GGT5: variants seen among roughly 807,000 people sequenced by gnomAD.
GGT5 encodes the protein gamma-glutamyltransferase 5.
Under a neutral mutation model 58.1 loss-of-function variants are expected in GGT5, and 50 were observed. That is an observed-to-expected ratio of 0.86 (90% CI 0.69 to 1.09). The LOEUF (loss-of-function observed/expected upper bound fraction) is 1.09, where lower values mean the gene tolerates loss of function less well. Ranked by LOEUF, GGT5 falls within the 50% of genes least tolerant of loss-of-function variation. GGT5 has a pLI of 0.00. For synonymous variants in GGT5, 370 were observed against 346.1 expected (o/e 1.07, Z -0.77); for missense variants, 800 against 789.4 (o/e 1.01, Z -0.16).
chr22:24,238,720 T>A, intron 1 of GGT5, among the ~76,000 whole-genome samples: 3 of 86,370 alleles, frequency 3.5e-5, no homozygotes, highest in African/African-American at 4.4e-5. Context: ...AAAAAAAAAG[T>A]GAAAGTGGAA....
rs753790324 is a variant in GGT5, at chr22:24,231,424, T to C, written c.861A>G (p.Ala287=). The C allele has an allele frequency of 2.4e-5, 37 of 1,557,032 alleles. 1 individual carries two copies. Among genetic ancestry groups the C allele is most frequent in the Non-Finnish European group, 2.6e-6 (3 of 1,150,258 alleles). Residue 287 remains alanine (A), a synonymous_variant, in exon 6 of 12, where the codon GCA becomes GCG. Coordinates refer to ENST00000327365, the MANE Select transcript of GGT5 (RefSeq NM_004121.5). Reference sequence around the variant, plus strand: ...GGATAAAGCTGAGAATGGCACCCCCTGCAGGCGGCGGTGGTGAGTACAGGG... The same window carrying C: ...GGATAAAGCTGAGAATGGCACCCCCCGCAGGCGGCGGTGGTGAGTACAGGG... ...DYTLYSPPPP[A]GGAILSFILN...
chr22:24,233,983 G>A lies in GGT5; in HGVS notation c.195C>T (p.Gly65=). ...CCGCGATGGTGGCATCCACGGGTGA[G>A]CCCTGCTGCTGGAGGATGGCTCTAG... ...DIGRAILQQQ[G]SPVDATIAAL... Residue 65 remains glycine, a synonymous_variant, in exon 2 of 12, where the codon GGC becomes GGT. Coordinates refer to ENST00000327365, the MANE Select transcript of GGT5 (RefSeq NM_004121.5). The A allele has an allele frequency of 6.2e-7, 1 of 1,612,242 alleles. No individual in the cohort carries two copies. Among genetic ancestry groups the A allele is most frequent in the South Asian group, 1.1e-5 (1 of 90,866 alleles).
chr22:24,233,564 T>A lies in GGT5; in HGVS notation c.334A>T (p.Thr112Ser). ...CTCGGGGCGTGGCTGGCCGGCACCGTCTCCCGGGCATTGATGACCTCCACC... is the reference window on the plus strand; with the variant it reads ...CTCGGGGCGTGGCTGGCCGGCACCGACTCCCGGGCATTGATGACCTCCACC... The part of the protein sequence containing the change: ...GKVEVINARE[T>S]VPASHAPSLL... Residue 112 changes from threonine to serine, a missense_variant, in exon 3 of 12, where the codon ACG (threonine) becomes TCG (serine). Thr to Ser is a moderately conservative substitution (Grantham distance 58). Transcript: ENST00000327365. 2 of 1,609,148 alleles carry A rather than the reference T, an allele frequency of 1.2e-6. No homozygotes were observed. Among genetic ancestry groups the A allele is most frequent in the Non-Finnish European group, 1.7e-6 (2 of 1,178,950 alleles).
chr22:24,232,816 G>T lies in GGT5; in HGVS notation c.596+7C>A, dbSNP rs937382251. ...CCAGGAACCCAGGGCCACCATGTGG[G>T]GCTCACCGCAGGGTTGACGCCTGCA... On this transcript the variant is annotated splice_region_variant and intron_variant, in intron 4 of 11. Coordinates refer to ENST00000327365, the MANE Select transcript of GGT5 (RefSeq NM_004121.5). 2 of 1,493,058 alleles carry T rather than the reference G, an allele frequency of 1.3e-6. No individual in the cohort carries two copies. Among genetic ancestry groups the T allele is most frequent in the African/African-American group, 1.4e-5 (1 of 71,748 alleles). 92.5% of individuals were successfully genotyped at this position (1,493,058 alleles called of 1,614,324 possible).
At position 24,226,664 on chromosome 22, in the gene GGT5, C is replaced by A. The variant is rs1342332963; in HGVS notation, c.1005G>T (p.Arg335Ser). Residue 335 changes from arginine (R) to serine (S), a missense_variant, in exon 7 of 12, where the codon AGG becomes AGT. Coordinates refer to ENST00000327365, the MANE Select transcript of GGT5 (RefSeq NM_004121.5). ...TCGGGTGGCTTCGAGGGTCCCCCAG[C>A]CTCCACCTCTGCCCCTTGGCAAACT... ...TLKFAKGQRW[R>S]LGDPRSHPKL... 6.2e-7 allele frequency: 1 copy of A among 1,614,138 alleles called. No individual in the cohort carries two copies. The highest frequency in any genetic ancestry group is 1.3e-5 in the African/African-American group (1 of 75,040).
At position 24,244,443 on chromosome 22, in the gene GGT5, C is replaced by G. The variant is rs533913400; in HGVS notation, c.173+110G>C. 1.7e-4 allele frequency: 154 copies of G among 921,838 alleles called. No homozygotes were observed. The African/African-American group carries it at 2.1e-3, about 12-fold the overall frequency. The allele number at this position is 921,838 out of a possible 1,614,324, so 57.1% of individuals were successfully genotyped here. ...ATGCAATCACACATACCCAGACACT[C>G]ACACACACACCCACACATACATTCA... is the stretch of plus-strand genomic sequence containing the variant. On this transcript the variant is annotated intron_variant, in intron 1 of 11. Transcript: ENST00000327365.
chr22:24,238,925 AATATATATTATATAATATATAT>A (rs2048241135), intron 1 of GGT5, among the ~76,000 whole-genome samples: 9 of 20,888 alleles, frequency 4.3e-4, no homozygotes, highest in African/African-American at 2.6e-3. Flanking sequence ...TTATATATAT[AATATATATTATATAATATATAT>A]ATATATATAT....
intron 1 of GGT5, chr22:24,242,147 A>G (rs28433519): frequency 0.21 from 32,071 of 152,046 alleles, 3,602 homozygotes; most frequent in South Asian, 0.27. Flanking sequence ...GGATCAAAAC[A>G]GTCATTATGC....
In GGT5 at chr22:24,232,193, G is replaced by A. The variant is rs73396312; in HGVS notation, c.612C>T (p.Asn204=). Residue 204 remains asparagine, a synonymous_variant, in exon 5 of 12, where the codon AAC becomes AAT. Transcript: ENST00000327365. ...QASTLRQLFF[N]GTEPLRPQDP... Reference sequence around the variant, plus strand: ...CCTGAGGCCTCAGGGGTTCTGTCCCGTTGAAGAAGAGCTGGCTGGGGGGTG... The same window carrying A: ...CCTGAGGCCTCAGGGGTTCTGTCCCATTGAAGAAGAGCTGGCTGGGGGGTG... 7.8e-3 allele frequency: 11,167 copies of A among 1,434,342 alleles called. 728 individuals are homozygous for A. In the African/African-American group the frequency reaches 0.14, roughly 18 times the overall value. 88.9% of individuals were successfully genotyped at this position (1,434,342 alleles called of 1,614,324 possible).
chr22:24,235,635 A>T (rs2048074545), intron 1 of GGT5, among the ~76,000 whole-genome samples: 1 of 152,246 alleles, frequency 6.6e-6, no homozygotes, highest in Non-Finnish European at 1.5e-5. Context: ...AAAATGAAAT[A>T]AACAAGTCAG....
chr22:24,226,641 G>C lies in GGT5; in HGVS notation c.1028C>G (p.Pro343Arg), dbSNP rs1167099658. 2 of 1,613,822 alleles carry C rather than the reference G, an allele frequency of 1.2e-6. No individual in the cohort carries two copies. Among genetic ancestry groups the C allele is most frequent in the Non-Finnish European group, 1.7e-6 (2 of 1,179,916 alleles). The stretch of plus-strand genomic sequence containing the variant: ...CCTCAGCAACCTCACCTGGAGCTTC[G>C]GGTGGCTTCGAGGGTCCCCCAGCCT... ...RWRLGDPRSH[P>R]KLQNASRDLL... is the part of the protein sequence containing the mutation. Residue 343 changes from proline to arginine, a missense_variant, in exon 7 of 12, where the codon CCG becomes CGG. Transcript: ENST00000327365.
chr22:24,231,829 G>A (rs1463316737), intron 5 of GGT5, among the ~76,000 whole-genome samples: 2 of 152,144 alleles, frequency 1.3e-5, no homozygotes, highest in Admixed American at 6.5e-5. Context: ...CGTGACCATC[G>A]GTAACGCCCC....
At chr22:24,231,564 T>C in intron 5 of GGT5, 34 bp from the exon 6 acceptor site, 1 of 1,575,988 alleles carries the variant, frequency 6.3e-7, no homozygotes, top group Non-Finnish European at 8.6e-7. Flanking sequence ...CATGAACAGA[T>C]GGGAAACTGA....
intron 1 of GGT5, among the ~76,000 whole-genome samples, chr22:24,237,419 ATT>A (rs2048130269): frequency 6.6e-6 from 1 of 151,966 alleles, no homozygotes; most frequent in South Asian, 2.1e-4. Context: ...TTATTTATTT[ATT>A]TATTTGAGAC....
chr22:24,235,964 C>T (rs1260462236), intron 1 of GGT5, among the ~76,000 whole-genome samples: 33 of 152,160 alleles, frequency 2.2e-4, no homozygotes, highest in Non-Finnish European at 5.9e-5. Context: ...TTGGGGGCCC[C>T]AGGCTTGGTC....
chr22:24,242,815 G>A (rs2048361821), intron 1 of GGT5: 1 of 152,282 alleles, frequency 6.6e-6, no homozygotes, highest in African/African-American at 2.4e-5. Context: ...AGTCCGGCCA[G>A]GGTCCCAGTG....
rs189178297 is a variant in GGT5 at position 24,225,723 on chromosome 22, G to A, written c.1230-71C>T. On this transcript the variant is annotated intron_variant, in intron 8 of 11. Transcript: ENST00000327365. ...CCACCAGACACCACTTACCCTGCAC[G>A]CTTTGCAGGACCCCCTCGTTTTACA... The A allele has an allele frequency of 3.9e-3, 3,449 of 887,498 alleles. 13 individuals are homozygous for A. The highest frequency in any genetic ancestry group is 4.7e-3 in the Non-Finnish European group (2,546 of 540,122). 55.0% of individuals were successfully genotyped at this position (887,498 alleles called of 1,614,324 possible). A position where few individuals can be genotyped will look rare whatever the true frequency, so the allele number is the denominator to read the frequency against.
intron 6 of GGT5, among the ~76,000 whole-genome samples, chr22:24,228,839 T>G (rs1423971968): frequency 6.6e-6 from 1 of 150,940 alleles, no homozygotes; most frequent in Non-Finnish European, 1.5e-5. Flanking sequence ...ATGCCTATAA[T>G]CCCAACACTT....
chr22:24,222,745 A>G (rs1490798483), intron 11 of GGT5, among the ~76,000 whole-genome samples: 1 of 152,224 alleles, frequency 6.6e-6, no homozygotes, highest in Non-Finnish European at 1.5e-5. Flanking sequence ...AAAGGTCCTG[A>G]GAATTGATGT....
Sources: gnomAD v4.1 joint callset for allele counts (sites outside exome capture counted in the v4.1 genomes callset) on GRCh38, gnomAD v4.1.1 for gene constraint, MANE v1.5 for transcripts, NCBI Gene and HGNC (gene_info 2026-07-23, HGNC 2026-07-21) for gene names.